The following SNTG1 variants were observed in gnomAD, a reference collection of about 807,000 sequenced individuals.
SNTG1 encodes the protein gamma-1-syntrophin.
SNTG1 carries 39 observed loss-of-function variants against 74.7 expected under a neutral mutation model. The observed-to-expected ratio is 0.52, with a 90% CI of 0.40 to 0.68. SNTG1 has a LOEUF of 0.68. Among genes scored for constraint, SNTG1 ranks in the 30% least tolerant of loss-of-function variants. The pLI, the probability that SNTG1 is intolerant of heterozygous loss-of-function variation, is 0.00. For synonymous variants in SNTG1, 254 were observed against 217.1 expected, an observed-to-expected ratio of 1.17 and a Z score of -1.49; for missense variants, 685 against 609.5, an observed-to-expected ratio of 1.12 and a Z score of -1.30.
chr8:50,785,957 C>A (rs1330718965), intron 18 of SNTG1, among the ~76,000 whole-genome samples: 1 of 151,692 alleles, frequency 6.6e-6, no homozygotes, highest in Admixed American at 6.6e-5. Context: ...AAATAAATAC[C>A]ATTTCATAAT....
intron 8 of SNTG1, among the ~76,000 whole-genome samples, chr8:50,484,044 A>G (rs1478943158): frequency 1.3e-5 from 2 of 152,088 alleles, no homozygotes; most frequent in African/African-American, 4.8e-5. Context: ...TGAGGCTTTA[A>G]GTAAACATTC....
At chr8:50,626,298 G>A (rs1167024238) in intron 13 of SNTG1, among the ~76,000 whole-genome samples, 2 of 152,162 alleles carry the variant, frequency 1.3e-5, no homozygotes, top group Admixed American at 6.6e-5. Flanking sequence ...AGACAACAAA[G>A]GCAGAAGTGC....
intron 1 of SNTG1, among the ~76,000 whole-genome samples, chr8:49,918,034 C>T (rs112693115): frequency 2.0e-5 from 3 of 152,172 alleles, no homozygotes; most frequent in Non-Finnish European, 2.9e-5. Context: ...CGAACCTTTT[C>T]GTTTCCCATT....
intron 2 of SNTG1, among the ~76,000 whole-genome samples, chr8:50,211,815 A>G (rs1336718687): frequency 6.6e-6 from 1 of 152,162 alleles, no homozygotes; most frequent in Non-Finnish European, 1.5e-5. Flanking sequence ...AGTATCTGAC[A>G]CTCAAGTTTC....
At chr8:50,263,696 G>A (rs1401787401) in intron 2 of SNTG1, among the ~76,000 whole-genome samples, 1 of 152,150 alleles carries the variant, frequency 6.6e-6, no homozygotes, top group Non-Finnish European at 1.5e-5. Flanking sequence ...ATCTTACAGA[G>A]GAAACACATA....
chr8:50,228,502 G>A (rs559254300), intron 2 of SNTG1, among the ~76,000 whole-genome samples: 136 of 151,854 alleles, frequency 9.0e-4, no homozygotes, highest in Admixed American at 2.2e-3. Context: ...TGAAAACAAT[G>A]GTGAAGAGAA....
At chr8:50,218,560 T>G (rs116580326) in intron 2 of SNTG1, among the ~76,000 whole-genome samples, 2,574 of 152,246 alleles carry the variant, frequency 0.017, 63 homozygotes, top group African/African-American at 0.052. Flanking sequence ...TCTATGTTTT[T>G]TTTTCAGTAT....
chr8:50,438,631 G>T (rs1300513359), intron 5 of SNTG1, 32 bp downstream of exon 5: 3 of 1,572,672 alleles, frequency 1.9e-6, no homozygotes, highest in Non-Finnish European at 2.6e-6. Flanking sequence ...TCCTTACAAA[G>T]GCCATGCCAT....
intron 13 of SNTG1, among the ~76,000 whole-genome samples, chr8:50,652,227 A>G (rs2095151740): frequency 6.6e-6 from 1 of 152,214 alleles, no homozygotes; most frequent in Non-Finnish European, 1.5e-5. Context: ...TCACCTAAAT[A>G]TAATGATATA....
intron 18 of SNTG1, among the ~76,000 whole-genome samples, chr8:50,768,961 A>G (rs906730427): frequency 2.0e-5 from 3 of 152,056 alleles, no homozygotes; most frequent in African/African-American, 7.2e-5. Flanking sequence ...TGTGTGGTGA[A>G]GAAGATATCT....
At chr8:50,498,436 A>G (rs2093922809) in intron 8 of SNTG1, among the ~76,000 whole-genome samples, 1 of 151,720 alleles carries the variant, frequency 6.6e-6, no homozygotes, top group Non-Finnish European at 1.5e-5. Context: ...ATTTTTCCTC[A>G]TGTTTTATTA....
At chr8:50,210,309 A>G (rs2084456031) in intron 2 of SNTG1, among the ~76,000 whole-genome samples, 1 of 152,234 alleles carries the variant, frequency 6.6e-6, no homozygotes, top group African/African-American at 2.4e-5. Context: ...ACTCTTCAGG[A>G]TATTATCCAG....
At chr8:50,607,982 GTGT>G (rs370729859) in intron 13 of SNTG1, among the ~76,000 whole-genome samples, 65 of 151,638 alleles carry the variant, frequency 4.3e-4, no homozygotes, top group East Asian at 4.3e-3. Flanking sequence ...TAGAAGAGTG[GTGT>G]TGTTTAATTT....
intron 11 of SNTG1, among the ~76,000 whole-genome samples, chr8:50,544,837 C>A (rs761550353): frequency 4.6e-5 from 7 of 151,996 alleles, no homozygotes; most frequent in Non-Finnish European, 1.0e-4. Context: ...GATTCTTTCT[C>A]TGTAAAAGCT....
chr8:50,389,046 G>A (rs1381541730), intron 2 of SNTG1, among the ~76,000 whole-genome samples: 1 of 152,148 alleles, frequency 6.6e-6, no homozygotes, highest in Non-Finnish European at 1.5e-5. Flanking sequence ...AGGCCAACAG[G>A]GCAGCAGCTT....
intron 13 of SNTG1, among the ~76,000 whole-genome samples, chr8:50,618,337 A>G (rs2094898685): frequency 6.6e-6 from 1 of 152,180 alleles, no homozygotes; most frequent in Non-Finnish European, 1.5e-5. Flanking sequence ...TTTCATACTG[A>G]AAGTATTTTC....
chr8:50,488,971 C>T (rs969271702), intron 8 of SNTG1, among the ~76,000 whole-genome samples: 1 of 152,104 alleles, frequency 6.6e-6, no homozygotes, highest in African/African-American at 2.4e-5. Context: ...TATTCCCCTC[C>T]CTGTGTCCCT....
intron 8 of SNTG1, among the ~76,000 whole-genome samples, chr8:50,477,270 G>A (rs968416313): frequency 2.6e-5 from 4 of 151,968 alleles, no homozygotes; most frequent in African/African-American, 9.7e-5. Context: ...GTGACATCAC[G>A]GCCTCAGCAA....
upstream of SNTG1, among the ~76,000 whole-genome samples, chr8:49,910,719 G>A (rs1305733888): frequency 2.0e-5 from 3 of 151,950 alleles, no homozygotes; most frequent in African/African-American, 7.3e-5. Context: ...GGAGGCGAGG[G>A]GGCAGCGTGG....
Sources: allele counts gnomAD v4.1 joint callset (sites outside exome capture counted in the v4.1 genomes callset), GRCh38; gene constraint gnomAD v4.1.1; transcripts MANE v1.5; gene names NCBI Gene and HGNC (gene_info 2026-07-23, HGNC 2026-07-21).